Variants in FHOD3 observed in about 807,000 individuals in gnomAD.
The protein encoded by FHOD3 is formin homology 2 domain containing 3, also known as FH1/FH2 domain-containing protein 3.
A neutral mutation model predicts 173.0 loss-of-function variants in FHOD3; 90 were observed. The ratio of observed to expected loss-of-function variants is 0.52; its 90% CI spans 0.44 to 0.62. FHOD3 has a LOEUF of 0.62. Among genes scored for constraint, FHOD3 ranks in the 20% least tolerant of loss-of-function variants. The probability of loss-of-function intolerance (pLI) is 0.00; values close to 1 mark genes in which losing one functional copy is unlikely to be tolerated. For missense variants in FHOD3, 1,945 were observed against 2,034.7 expected (o/e 0.96, Z 0.85); for synonymous variants, 828 against 823.0 (o/e 1.01, Z -0.10).
chr18:36,304,665 G>A (rs983292925), intron 1 of FHOD3, among the ~76,000 whole-genome samples: 1 of 152,170 alleles, frequency 6.6e-6, no homozygotes, highest in South Asian at 2.1e-4. Context: ...TATGTTCAGG[G>A]TGTCTTTCTA....
chr18:36,372,844 C>G (rs2047261566), intron 3 of FHOD3, 100 bp downstream of exon 3: 2 of 969,140 alleles, frequency 2.1e-6, no homozygotes, highest in African/African-American at 1.6e-5. Context: ...TTGCACTAGC[C>G]CCTATCATGA....
intron 1 of FHOD3, among the ~76,000 whole-genome samples, chr18:36,306,051 A>G (rs2092087198): frequency 6.6e-6 from 1 of 152,212 alleles, no homozygotes; most frequent in Non-Finnish European, 1.5e-5. Context: ...TAAGGGTGCT[A>G]CACCCTAGAA....
At chr18:36,548,146 C>T (rs1204284369) in intron 5 of FHOD3, among the ~76,000 whole-genome samples, 2 of 152,046 alleles carry the variant, frequency 1.3e-5, no homozygotes, top group South Asian at 2.1e-4. Context: ...GAGCCGAGAT[C>T]GTGCCACTGC....
At chr18:36,310,816 G>A (rs1314665461) in intron 1 of FHOD3, among the ~76,000 whole-genome samples, 1 of 152,062 alleles carries the variant, frequency 6.6e-6, no homozygotes, top group African/African-American at 2.4e-5. Flanking sequence ...GAGGTAAAGG[G>A]CACCTGGTAC....
In FHOD3 at chr18:36,730,730, C is replaced by G. The variant is rs947098150; in HGVS notation, c.3502C>G (p.Leu1168Val). The change falls in exon 20 of 29, where the codon CTG becomes GTG. Residue 1168 changes from leucine to valine, a missense_variant. By Grantham distance (32) the Leu-to-Val change is conservative. This residue lies in a region of FHOD3 where 231 missense variants were observed against 321.9 expected (regional missense o/e 0.72). Transcript: ENST00000590592. ...CGCCATCAATATTGGTCTGACGGTG[C>G]TGCCCCCTCCAAGGACGATTAAGAT... ...SNAINIGLTV[L>V]PPPRTIKIAI... 1.8e-5 allele frequency: 29 copies of G among 1,614,172 alleles called. No individual in the cohort carries two copies. The highest frequency in any genetic ancestry group is 2.4e-5 in the Non-Finnish European group (28 of 1,180,018).
intron 3 of FHOD3, among the ~76,000 whole-genome samples, chr18:36,460,657 G>A (rs1350304359): frequency 6.6e-6 from 1 of 152,204 alleles, no homozygotes; most frequent in Non-Finnish European, 1.5e-5. Flanking sequence ...ACAAGGCCCT[G>A]TCCCACTGCT....
At chr18:36,536,656 C>A (rs1033119189) in intron 5 of FHOD3, among the ~76,000 whole-genome samples, 4 of 152,158 alleles carry the variant, frequency 2.6e-5, no homozygotes, top group African/African-American at 9.7e-5. Context: ...CAGAGTGGGC[C>A]TGAACAGCAT....
At chr18:36,430,037 G>T (rs933528729) in intron 3 of FHOD3, among the ~76,000 whole-genome samples, 11 of 152,172 alleles carry the variant, frequency 7.2e-5, no homozygotes, top group African/African-American at 2.2e-4. Flanking sequence ...GTGGTTCTGG[G>T]TGTGAAGCTG....
chr18:36,634,827 T>TAAAG (rs57847986), intron 10 of FHOD3, among the ~76,000 whole-genome samples: 24,351 of 152,114 alleles, frequency 0.16, 2,173 homozygotes, highest in African/African-American at 0.23. Flanking sequence ...ATTACTCTGT[T>TAAAG]AAGGTAATTG....
chr18:36,656,424 A>G (rs919684770), intron 13 of FHOD3, among the ~76,000 whole-genome samples: 1 of 152,206 alleles, frequency 6.6e-6, no homozygotes, highest in African/African-American at 2.4e-5. Flanking sequence ...ATAGAGTGGT[A>G]TGCTCTGAGC....
chr18:36,538,175 A>T (rs1160686047), intron 5 of FHOD3, among the ~76,000 whole-genome samples: 1 of 152,252 alleles, frequency 6.6e-6, no homozygotes, highest in East Asian at 1.9e-4. Context: ...AACTTATGGG[A>T]TGCAGCAAAA....
intron 5 of FHOD3, among the ~76,000 whole-genome samples, chr18:36,520,681 G>A (rs902827485): frequency 1.3e-5 from 2 of 152,224 alleles, no homozygotes; most frequent in East Asian, 3.8e-4. Context: ...AGCCATTGTT[G>A]TCTCAGTCTT....
At chr18:36,302,862 C>T (rs1038820280) in intron 1 of FHOD3, among the ~76,000 whole-genome samples, 2 of 152,192 alleles carry the variant, frequency 1.3e-5, no homozygotes, top group Non-Finnish European at 2.9e-5. Flanking sequence ...TAAGCAGAAT[C>T]AAATCTGACT....
chr18:36,378,987 G>C (rs1287558521), intron 3 of FHOD3, among the ~76,000 whole-genome samples: 2 of 152,266 alleles, frequency 1.3e-5, no homozygotes, highest in East Asian at 3.9e-4. Flanking sequence ...GTCTGGCCAA[G>C]TCTAGTCCTT....
chr18:36,598,769 T>TC (rs2030895506), intron 7 of FHOD3, among the ~76,000 whole-genome samples: 2 of 152,190 alleles, frequency 1.3e-5, no homozygotes, highest in Non-Finnish European at 2.9e-5. Context: ...CAGGATGGTC[T>TC]CCATCTCCTG....
chr18:36,687,377 T>C (rs553403372), intron 16 of FHOD3, among the ~76,000 whole-genome samples, 199 bp downstream of exon 16: 71 of 152,326 alleles, frequency 4.7e-4, no homozygotes, highest in African/African-American at 1.7e-3. Context: ...GCCATCATGG[T>C]TAAGTGTGTC....
chr18:36,629,429 G>T (rs561670522), intron 10 of FHOD3, among the ~76,000 whole-genome samples: 1 of 152,256 alleles, frequency 6.6e-6, no homozygotes, highest in East Asian at 1.9e-4. Context: ...TAGCTCACAG[G>T]CCGTATAAAA....
At chr18:36,767,803 G>T (rs986532549) in intron 27 of FHOD3, among the ~76,000 whole-genome samples, 4 of 152,030 alleles carry the variant, frequency 2.6e-5, no homozygotes, top group African/African-American at 9.7e-5. Context: ...GTGTGTATTT[G>T]CAGCAATATG....
At chr18:36,653,055 GT>G in intron 12 of FHOD3, 126 bp downstream of exon 12, 1 of 1,309,596 alleles carries the variant, frequency 7.6e-7, no homozygotes, top group Non-Finnish European at 1.0e-6. Flanking sequence ...GCAGGGAGCA[GT>G]TGTGGCATAA....
Sources: gnomAD v4.1 joint callset for allele counts (sites outside exome capture counted in the v4.1 genomes callset) on GRCh38, gnomAD v4.1.1 for gene constraint, gnomAD v4.1.1 regional missense constraint, MANE v1.5 for transcripts, NCBI Gene and HGNC (gene_info 2026-07-23, HGNC 2026-07-21) for gene names.